Variants in ZMAT4 observed in about 807,000 individuals in gnomAD.
ZMAT4 encodes the protein zinc finger matrin-type protein 4.
In ZMAT4, 17 loss-of-function variants were observed where a neutral mutation model predicts 28.7. The ratio of observed to expected loss-of-function variants is 0.59; its 90% confidence interval spans 0.41 to 0.89. The LOEUF is 0.89. Ranked by LOEUF, ZMAT4 falls within the 40% of genes least tolerant of loss-of-function variation. The pLI is 0.00. For synonymous variants in ZMAT4, 117 were observed against 109.2 expected (o/e 1.07, Z -0.44); for missense variants, 240 against 283.8 (o/e 0.85, Z 1.11).
chr8:40,764,768 A>T (rs564122516), intron 3 of ZMAT4, among the ~76,000 whole-genome samples: 26 of 152,172 alleles, frequency 1.7e-4, no homozygotes, highest in Non-Finnish European at 3.4e-4. Context: ...TTTGAAAACA[A>T]AATGCTAAAT....
chr8:40,822,542 T>C (rs533605839), intron 2 of ZMAT4, among the ~76,000 whole-genome samples: 12 of 152,322 alleles, frequency 7.9e-5, no homozygotes, highest in African/African-American at 1.4e-4. Flanking sequence ...GGCAGATTGA[T>C]AGAAACAGAA....
chr8:40,746,146 G>A (rs895358596), intron 3 of ZMAT4, among the ~76,000 whole-genome samples: 5 of 151,732 alleles, frequency 3.3e-5, no homozygotes, highest in African/African-American at 1.2e-4. Context: ...TCTCTCCTCT[G>A]AGCTCCGCAG....
At chr8:40,748,770 G>T (rs1341987867) in intron 3 of ZMAT4, among the ~76,000 whole-genome samples, 2 of 151,796 alleles carry the variant, frequency 1.3e-5, no homozygotes, top group Admixed American at 6.6e-5. Flanking sequence ...GCATCTCTAA[G>T]CAGAACTTGA....
rs34726845 is a variant in ZMAT4, at chr8:40,807,138, CAAAA to C, written c.102+18433_102+18436del. On this transcript the variant is annotated intron_variant, in intron 2 of 6. Transcript: ENST00000297737. ...GCAGGGGGAGGTAGTGGGGTGAGGA[CAAAA>C]AAAAAAAAAAAAAAGTCAGCCGGGC... 2.3e-3 allele frequency among the ~76,000 whole-genome samples: 207 copies of C among 90,240 alleles called. 3 individuals are homozygous for C. The highest frequency in any genetic ancestry group is 8.5e-3 in the African/African-American group (189 of 22,348). The allele number at this position is 90,240 out of a possible 152,430, so 59.2% of individuals were successfully genotyped here.
Position 40,531,030 on chromosome 8 carries a change from C to T in ZMAT4, c.*1193G>A, listed in dbSNP as rs1175454064. On this transcript the variant is annotated 3_prime_UTR_variant, in exon 7 of 7. Transcript: ENST00000297737. ...GGATTGCCTATGGTCGTTAGGGACA[C>T]AGGGCAGCCCCAGCCAGATCCCAGC... 3 of 152,660 alleles carry T rather than the reference C, an allele frequency of 2.0e-5. No homozygotes were observed. Among genetic ancestry groups the T allele is most frequent in the Non-Finnish European group, 4.4e-5 (3 of 68,096 alleles). 9.5% of individuals were successfully genotyped at this position (152,660 alleles called of 1,614,324 possible). A position where few individuals can be genotyped will look rare whatever the true frequency, so the allele number is the denominator to read the frequency against.
chr8:40,695,138 C>T (rs1809825193), intron 4 of ZMAT4, among the ~76,000 whole-genome samples: 1 of 152,214 alleles, frequency 6.6e-6, no homozygotes, highest in South Asian at 2.1e-4. Context: ...ATTTCTACTG[C>T]ATTTGGGTCT....
At chr8:40,723,641 T>TGGAATCTAACCAGATTTA (rs1169231934) in intron 3 of ZMAT4, among the ~76,000 whole-genome samples, 1 of 151,578 alleles carries the variant, frequency 6.6e-6, no homozygotes, top group African/African-American at 2.4e-5. Context: ...TGAGGATTGG[T>TGGAATCTAACCAGATTTA]GGAATCTAAC....
intron 4 of ZMAT4, 74 bp downstream of exon 4, chr8:40,697,171 G>A (rs1204461941): frequency 1.1e-5 from 16 of 1,455,674 alleles, no homozygotes; most frequent in South Asian, 6.0e-5. Context: ...GCGTCTGAAG[G>A]AGGAGCATGA....
chr8:40,767,417 A>T (rs559488551), intron 3 of ZMAT4, among the ~76,000 whole-genome samples: 1 of 152,138 alleles, frequency 6.6e-6, no homozygotes, highest in Non-Finnish European at 1.5e-5. Context: ...TTATGGTCCC[A>T]GTGCAATGTC....
At chr8:40,537,519 G>T (rs558104859) in intron 6 of ZMAT4, among the ~76,000 whole-genome samples, 65 of 152,230 alleles carry the variant, frequency 4.3e-4, no homozygotes, top group African/African-American at 1.4e-3. Context: ...AGAACGATTT[G>T]TAATTGACTT....
chr8:40,700,769 A>G (rs1427716244), intron 3 of ZMAT4, among the ~76,000 whole-genome samples: 1 of 152,098 alleles, frequency 6.6e-6, no homozygotes, highest in African/African-American at 2.4e-5. Flanking sequence ...AGTGAGAACC[A>G]GCCTTTGGGT....
At position 40,843,926 on chromosome 8, in the gene ZMAT4, C is replaced by A. The variant is rs565377822; in HGVS notation, c.-4-18246G>T. ...AAGTGCACACATTTTTAAGATCAGT[C>A]CCTTCTATCTTTCCCCTCAATTTTA... On this transcript the variant is annotated intron_variant, in intron 1 of 6. Transcript: ENST00000297737. Among the ~76,000 whole-genome samples, 106 of 152,258 alleles carry A rather than the reference C, an allele frequency of 7.0e-4. 1 individual carries two copies. The South Asian group carries it at 0.021, about 30-fold the overall frequency.
intron 6 of ZMAT4, among the ~76,000 whole-genome samples, chr8:40,558,229 C>T (rs72636921): frequency 0.04 from 6,045 of 152,164 alleles, 147 homozygotes; most frequent in South Asian, 0.094. Flanking sequence ...ACGAAGAGTC[C>T]GAATCCTCTT....
chr8:40,564,164 C>T (rs1453264924), intron 6 of ZMAT4, among the ~76,000 whole-genome samples: 1 of 152,144 alleles, frequency 6.6e-6, no homozygotes, highest in Non-Finnish European at 1.5e-5. Flanking sequence ...GCTTTATGAA[C>T]ACTAAGCTGG....
At chr8:40,560,068 C>G (rs1213876524) in intron 6 of ZMAT4, among the ~76,000 whole-genome samples, 2 of 151,992 alleles carry the variant, frequency 1.3e-5, no homozygotes, top group Non-Finnish European at 2.9e-5. Flanking sequence ...AATTCCTGTC[C>G]TAATGACAGT....
chr8:40,882,758 G>A (rs1818326133), intron 1 of ZMAT4, among the ~76,000 whole-genome samples: 1 of 152,158 alleles, frequency 6.6e-6, no homozygotes, highest in Non-Finnish European at 1.5e-5. Flanking sequence ...GGGGACAGTG[G>A]GACTTTGAGC....
At chr8:40,599,280 G>A (rs1210025195) in intron 5 of ZMAT4, among the ~76,000 whole-genome samples, 2 of 152,080 alleles carry the variant, frequency 1.3e-5, no homozygotes, top group Non-Finnish European at 2.9e-5. Flanking sequence ...CACATAGTAG[G>A]TATTCAATTT....
intron 5 of ZMAT4, among the ~76,000 whole-genome samples, chr8:40,587,699 T>C (rs1006708287): frequency 4.6e-5 from 7 of 151,324 alleles, no homozygotes; most frequent in African/African-American, 1.5e-4. Flanking sequence ...AAAGAAGGAA[T>C]AGCAAAACAG....
chr8:40,588,851 C>T (rs1005601405), intron 5 of ZMAT4, among the ~76,000 whole-genome samples: 2 of 152,168 alleles, frequency 1.3e-5, no homozygotes, highest in African/African-American at 4.8e-5. Flanking sequence ...TTTCTAGCAA[C>T]TTTATTCACA....
Sources: gnomAD v4.1 joint callset for allele counts (sites outside exome capture counted in the v4.1 genomes callset) on GRCh38, gnomAD v4.1.1 for gene constraint, MANE v1.5 for transcripts, NCBI Gene and HGNC (gene_info 2026-07-23, HGNC 2026-07-21) for gene names.